ERC2: variants seen among roughly 807,000 people sequenced by gnomAD.
The protein encoded by ERC2 is ELKS/RAB6-interacting/CAST family member 2.
ERC2 carries 42 observed loss-of-function variants against 114.8 expected under a neutral mutation model. The ratio of observed to expected loss-of-function variants is 0.37; its 90% CI spans 0.29 to 0.47. The LOEUF is 0.47. ERC2 is among the 20% of genes least tolerant of loss of function. The probability of loss-of-function intolerance (pLI) is 0.99; values close to 1 mark genes in which losing one functional copy is unlikely to be tolerated. For synonymous variants in ERC2, 454 were observed against 425.5 expected, an observed-to-expected ratio of 1.07 and a Z score of -0.82; for missense variants, 939 against 1,150.7, an observed-to-expected ratio of 0.82 and a Z score of 2.66.
At chr3:55,779,345 A>C (rs889957109) in intron 14 of ERC2, among the ~76,000 whole-genome samples, 1 of 149,578 alleles carries the variant, frequency 6.7e-6, no homozygotes, top group African/African-American at 2.5e-5. Flanking sequence ...AAAAAAAAAA[A>C]AAAAAAATTA....
intron 2 of ERC2, among the ~76,000 whole-genome samples, chr3:56,314,139 G>T (rs2056754280): frequency 1.3e-5 from 2 of 152,104 alleles, no homozygotes; most frequent in African/African-American, 4.8e-5. Flanking sequence ...ACAGTCTGGG[G>T]CCAAAAGCCT....
intron 16 of ERC2, among the ~76,000 whole-genome samples, chr3:55,697,906 G>T (rs1299021019): frequency 6.6e-6 from 1 of 151,968 alleles, no homozygotes; most frequent in East Asian, 1.9e-4. Context: ...AAAAGGCAGG[G>T]ACCAGGAATG....
At chr3:56,018,181 C>T (rs1289410164) in intron 8 of ERC2, among the ~76,000 whole-genome samples, 2 of 152,082 alleles carry the variant, frequency 1.3e-5, no homozygotes, top group Non-Finnish European at 2.9e-5. Flanking sequence ...TGCATTTTCT[C>T]CTCAATATAA....
intron 3 of ERC2, among the ~76,000 whole-genome samples, chr3:56,183,996 G>T (rs565123726): frequency 6.6e-6 from 1 of 152,246 alleles, no homozygotes; most frequent in East Asian, 1.9e-4. Flanking sequence ...ACAGTAGGAA[G>T]TTATTAGTAA....
intron 17 of ERC2, among the ~76,000 whole-genome samples, chr3:55,676,535 A>C (rs2061824452): frequency 6.6e-6 from 1 of 151,406 alleles, no homozygotes; most frequent in African/African-American, 2.4e-5. Flanking sequence ...TCTCAGATTA[A>C]TTTTCACCAG....
intron 14 of ERC2, among the ~76,000 whole-genome samples, chr3:55,759,198 T>C (rs898817195): frequency 6.6e-6 from 1 of 152,184 alleles, no homozygotes; most frequent in Non-Finnish European, 1.5e-5. Flanking sequence ...GCAAATGGTA[T>C]TCTAAAGGAA....
chr3:55,932,806 G>A (rs915452487), intron 13 of ERC2, among the ~76,000 whole-genome samples: 1 of 152,170 alleles, frequency 6.6e-6, no homozygotes, highest in African/African-American at 2.4e-5. Context: ...CAGCTAGAAT[G>A]AGGCAAACTA....
At chr3:56,329,590 T>C (rs1427900152) in intron 2 of ERC2, among the ~76,000 whole-genome samples, 5 of 152,182 alleles carry the variant, frequency 3.3e-5, no homozygotes, top group Non-Finnish European at 5.9e-5. Flanking sequence ...CTCCAGCCCC[T>C]TCTAGCTTTC....
Position 55,683,776 on chromosome 3 carries a change from TA to T in ERC2, c.*39+17del, listed in dbSNP as rs2062180330. 1.3e-6 allele frequency: 2 copies of T among 1,595,676 alleles called. No individual in the cohort carries two copies. The highest frequency in any genetic ancestry group is 1.7e-6 in the Non-Finnish European group (2 of 1,166,516). ...ATGCAATTTTTTAATAAAAATGATA[TA>T]AAAGATGGTTTCTCACCCCTCAAAA... is the stretch of plus-strand genomic sequence containing the variant. On this transcript the variant is annotated intron_variant, in intron 17 of 17. Transcript: ENST00000288221.
At chr3:56,301,879 T>C (rs1339285008) in intron 2 of ERC2, among the ~76,000 whole-genome samples, 1 of 152,134 alleles carries the variant, frequency 6.6e-6, no homozygotes, top group African/African-American at 2.4e-5. Context: ...CTTGGAATCA[T>C]TAAATTTAAT....
Position 55,544,070 on chromosome 3 carries a change from G to A in ERC2, c.*40-32794C>T, listed in dbSNP as rs149276202. On this transcript the variant is annotated intron_variant, in intron 17 of 17. Coordinates refer to ENST00000288221, the MANE Select transcript of ERC2 (RefSeq NM_015576.3). Reference sequence around the variant, plus strand: ...CTGGGGCAGGGCAGCATGGGACTAAGCAAGGCTGCCCAGGCAGGAGAGGCT... The same window carrying A: ...CTGGGGCAGGGCAGCATGGGACTAAACAAGGCTGCCCAGGCAGGAGAGGCT... 9.9e-3 allele frequency among the ~76,000 whole-genome samples: 1,505 copies of A among 152,326 alleles called. 25 individuals carry two copies. The highest frequency in any genetic ancestry group is 0.033 in the African/African-American group (1,387 of 41,570).
At chr3:55,578,356 G>A (rs1215436069) in intron 17 of ERC2, among the ~76,000 whole-genome samples, 1 of 152,098 alleles carries the variant, frequency 6.6e-6, no homozygotes, top group Non-Finnish European at 1.5e-5. Flanking sequence ...AGCCCACCTC[G>A]GGGCCTTCCA....
At chr3:56,149,969 A>C (rs537530082) in intron 4 of ERC2, among the ~76,000 whole-genome samples, 133 of 152,080 alleles carry the variant, frequency 8.7e-4, no homozygotes, top group Non-Finnish European at 7.9e-4. Flanking sequence ...ACCAAAACAA[A>C]ACAAAAAAAA....
chr3:56,073,392 A>G (rs1318531766), intron 7 of ERC2, among the ~76,000 whole-genome samples: 1 of 152,200 alleles, frequency 6.6e-6, no homozygotes, highest in East Asian at 1.9e-4. Flanking sequence ...GACCCTACCC[A>G]TGAGATGCTT....
At chr3:56,013,658 T>C (rs1002711088) in intron 8 of ERC2, among the ~76,000 whole-genome samples, 1 of 152,198 alleles carries the variant, frequency 6.6e-6, no homozygotes, top group Admixed American at 6.5e-5. Flanking sequence ...CATGTCGATA[T>C]TTTTATTTCT....
intron 17 of ERC2, among the ~76,000 whole-genome samples, chr3:55,670,073 T>C (rs1235644205): frequency 6.6e-6 from 1 of 152,328 alleles, no homozygotes; most frequent in East Asian, 1.9e-4. Flanking sequence ...ACACCACTAT[T>C]ACGTTTGATC....
chr3:55,711,662 T>A (rs2063785683), intron 15 of ERC2, among the ~76,000 whole-genome samples: 1 of 152,206 alleles, frequency 6.6e-6, no homozygotes, highest in Non-Finnish European at 1.5e-5. Flanking sequence ...GCCTGGCACA[T>A]ATGGACATAT....
chr3:56,172,710 C>A (rs981733365), intron 4 of ERC2, among the ~76,000 whole-genome samples: 2 of 152,158 alleles, frequency 1.3e-5, no homozygotes, highest in Non-Finnish European at 2.9e-5. Flanking sequence ...TTGCATCCTT[C>A]TGGCAAAAAC....
chr3:55,915,458 G>C (rs764681833), intron 13 of ERC2, among the ~76,000 whole-genome samples: 1 of 152,066 alleles, frequency 6.6e-6, no homozygotes, highest in Non-Finnish European at 1.5e-5. Flanking sequence ...ATACACCTTG[G>C]TTTCAGAAAG....
Sources: gnomAD v4.1 joint callset for allele counts (sites outside exome capture counted in the v4.1 genomes callset) on GRCh38, gnomAD v4.1.1 for gene constraint, MANE v1.5 for transcripts, NCBI Gene and HGNC (gene_info 2026-07-23, HGNC 2026-07-21) for gene names.